NAV2: variants seen among roughly 807,000 people sequenced by gnomAD.
NAV2 encodes the protein helicase, APC down-regulated 1.
NAV2 carries 54 observed loss-of-function variants against 223.2 expected under a neutral mutation model. That is an observed-to-expected ratio of 0.24 (90% CI 0.19 to 0.30). The LOEUF is 0.30. Among genes scored for constraint, NAV2 ranks in the 10% least tolerant of loss-of-function variants. The pLI, the probability that NAV2 is intolerant of heterozygous loss-of-function variation, is 1.00. For synonymous variants in NAV2, 1,279 were observed against 1,239.3 expected (o/e 1.03, Z -0.67); for missense variants, 2,806 against 3,147.5 (o/e 0.89, Z 2.60).
intron 26 of NAV2, 44 bp from the exon 27 acceptor site, chr11:20,090,821 A>G (rs1446494346): frequency 3.1e-6 from 5 of 1,598,768 alleles, no homozygotes; most frequent in Non-Finnish European, 3.4e-6. Flanking sequence ...TCAGTAGGGG[A>G]CTAAAAGGAG....
chr11:19,744,040 G>A (rs144430915), intron 1 of NAV2, among the ~76,000 whole-genome samples: 16 of 152,330 alleles, frequency 1.1e-4, no homozygotes, highest in African/African-American at 3.8e-4. Flanking sequence ...GGTACAAGAT[G>A]TTTTCACAGA....
chr11:19,949,732 T>C (rs1462522021), intron 10 of NAV2, among the ~76,000 whole-genome samples: 1 of 152,230 alleles, frequency 6.6e-6, no homozygotes, highest in African/African-American at 2.4e-5. Flanking sequence ...GTGTATATCC[T>C]CTGTTGCCTC....
chr11:19,439,154 A>G (rs1198222936), intron 1 of NAV2, among the ~76,000 whole-genome samples: 1 of 152,154 alleles, frequency 6.6e-6, no homozygotes, highest in Admixed American at 6.6e-5. Flanking sequence ...ATAGCAAAAG[A>G]TGCTCCTTTC....
chr11:19,728,244 A>T (rs572594702), intron 1 of NAV2, among the ~76,000 whole-genome samples: 1 of 152,348 alleles, frequency 6.6e-6, no homozygotes, highest in East Asian at 1.9e-4. Flanking sequence ...AGAGTCAAAA[A>T]CATTAAGTTC....
At chr11:19,663,537 G>A (rs967267230) in intron 1 of NAV2, among the ~76,000 whole-genome samples, 2 of 152,168 alleles carry the variant, frequency 1.3e-5, no homozygotes, top group African/African-American at 4.8e-5. Context: ...CCCTGTCCCC[G>A]ACCCCCATGG....
chr11:19,765,363 C>T (rs1420724815), intron 1 of NAV2, among the ~76,000 whole-genome samples: 1 of 137,568 alleles, frequency 7.3e-6, no homozygotes, highest in Non-Finnish European at 1.6e-5. Context: ...ATCCTGTCCT[C>T]CTCATCTTCC....
At chr11:19,562,526 G>A (rs2045136892) in intron 1 of NAV2, among the ~76,000 whole-genome samples, 1 of 152,058 alleles carries the variant, frequency 6.6e-6, no homozygotes, top group Non-Finnish European at 1.5e-5. Context: ...AGTTTTGACA[G>A]CCCTGGAGCT....
At chr11:19,668,552 A>AAAG (rs1229532503) in intron 1 of NAV2, among the ~76,000 whole-genome samples, 1 of 151,596 alleles carries the variant, frequency 6.6e-6, no homozygotes, top group Non-Finnish European at 1.5e-5. Context: ...AAAAAAAAAA[A>AAAG]AAAAGTAGCC....
chr11:19,974,911 A>C (rs1200810651), intron 10 of NAV2, among the ~76,000 whole-genome samples: 1 of 152,230 alleles, frequency 6.6e-6, no homozygotes, highest in Non-Finnish European at 1.5e-5. Context: ...GGGCCTCACT[A>C]AATACATCTT....
intron 1 of NAV2, among the ~76,000 whole-genome samples, chr11:19,674,171 T>A (rs547060689): frequency 2.6e-5 from 4 of 152,184 alleles, no homozygotes; most frequent in Admixed American, 2.0e-4. Context: ...CAACTCACCT[T>A]CTCTGTTACC....
chr11:19,510,884 G>C (rs184727731), intron 1 of NAV2: 1 of 152,224 alleles, frequency 6.6e-6, no homozygotes, highest in African/African-American at 2.4e-5. Context: ...AGGAAGGGGA[G>C]GACTTAGGGT....
At chr11:19,599,970 C>G (rs1444208251) in intron 1 of NAV2, among the ~76,000 whole-genome samples, 1 of 152,186 alleles carries the variant, frequency 6.6e-6, no homozygotes, top group African/African-American at 2.4e-5. Flanking sequence ...TCCTCCAACA[C>G]AGACTGTGAA....
intron 1 of NAV2, among the ~76,000 whole-genome samples, chr11:19,677,251 C>T (rs1400989823): frequency 6.6e-6 from 1 of 152,224 alleles, no homozygotes; most frequent in African/African-American, 2.4e-5. Context: ...AGAGTGATTT[C>T]CAGGCAAGCC....
chr11:20,035,569 G>A (rs2056268726), intron 11 of NAV2, among the ~76,000 whole-genome samples: 1 of 152,174 alleles, frequency 6.6e-6, no homozygotes, highest in African/African-American at 2.4e-5. Context: ...GGTGCCTGCT[G>A]CGGAGTCCTT....
At chr11:20,065,288 A>G (rs2058972584) in intron 20 of NAV2, among the ~76,000 whole-genome samples, 1 of 152,252 alleles carries the variant, frequency 6.6e-6, no homozygotes, top group Non-Finnish European at 1.5e-5. Flanking sequence ...ACAGACCCAG[A>G]CCAAGGAGCC....
At chr11:19,440,561 T>C (rs1276439294) in intron 1 of NAV2, among the ~76,000 whole-genome samples, 1 of 152,146 alleles carries the variant, frequency 6.6e-6, no homozygotes, top group Non-Finnish European at 1.5e-5. Context: ...ATAACTCTAG[T>C]CATTCATTCT....
intron 9 of NAV2, 123 bp downstream of exon 9, chr11:19,946,632 C>A: frequency 2.6e-6 from 2 of 782,434 alleles, no homozygotes; most frequent in Non-Finnish European, 2.1e-6. Context: ...CCAAATGTGC[C>A]GGAATTCACA....
intron 4 of NAV2, among the ~76,000 whole-genome samples, 194 bp downstream of exon 4, chr11:19,869,191 A>G (rs1433718285): frequency 1.3e-5 from 2 of 152,232 alleles, no homozygotes; most frequent in African/African-American, 4.8e-5. Context: ...GGATTCAACC[A>G]TACCAGCCAC....
At chr11:19,706,939 T>C (rs548701673) in intron 1 of NAV2, among the ~76,000 whole-genome samples, 1 of 152,360 alleles carries the variant, frequency 6.6e-6, no homozygotes, top group South Asian at 2.1e-4. Flanking sequence ...CAAGCCTGTA[T>C]AGCATGTTGA....
Sources: allele counts gnomAD v4.1 joint callset (sites outside exome capture counted in the v4.1 genomes callset), GRCh38; gene constraint gnomAD v4.1.1; transcripts MANE v1.5; gene names NCBI Gene and HGNC (gene_info 2026-07-23, HGNC 2026-07-21).